Variants in ACBD7 observed in about 807,000 individuals in gnomAD.
The protein encoded by ACBD7 is acyl-CoA binding domain containing 7.
In ACBD7, 11 loss-of-function variants were observed where a neutral mutation model predicts 13.7. That is an observed-to-expected ratio of 0.80 (90% CI 0.50 to 1.33). The LOEUF (loss-of-function observed/expected upper bound fraction) is 1.33. Among genes scored for constraint, ACBD7 ranks in the 40% most tolerant of loss-of-function variants. The pLI, the probability that ACBD7 is intolerant of heterozygous loss-of-function variation, is 0.00. For synonymous variants in ACBD7, 43 were observed against 37.7 expected, an observed-to-expected ratio of 1.14 and a Z score of -0.51; for missense variants, 111 against 103.0, an observed-to-expected ratio of 1.08 and a Z score of -0.33.
At position 15,076,949 on chromosome 10, in the gene ACBD7, A is replaced by G; in HGVS notation, c.*1581T>C. The G allele has an allele frequency of 2.0e-6, 2 of 983,864 alleles. No homozygotes were observed. Among genetic ancestry groups the G allele is most frequent in the Non-Finnish European group, 2.4e-6 (2 of 828,500 alleles). The allele number at this position is 983,864 out of a possible 1,614,324, so 60.9% of individuals were successfully genotyped here. ...ACTTTCTAAAAAGTCAAAAAACAAC[A>G]GATGTGGAGAAAAGGGAATGCTTAT... On this transcript the variant is annotated 3_prime_UTR_variant, in exon 4 of 4. Transcript: ENST00000356189.
rs1589259173 is a variant in ACBD7 at position 15,078,297 on chromosome 10, C to T, written c.*233G>A. ...TCCCTTTTTATGGCTCCATAGTATT[C>T]CATGGTGTATATGTGCCACATTTTC... On this transcript the variant is annotated 3_prime_UTR_variant, in exon 4 of 4. Coordinates refer to ENST00000356189, the MANE Select transcript of ACBD7 (RefSeq NM_001039844.3). 3 of 1,318,386 alleles carry T rather than the reference C, an allele frequency of 2.3e-6. No homozygotes were observed. Among genetic ancestry groups the T allele is most frequent in the Non-Finnish European group, 2.9e-6 (3 of 1,021,324 alleles). 81.7% of individuals were successfully genotyped at this position (1,318,386 alleles called of 1,614,324 possible).
intron 1 of ACBD7, among the ~76,000 whole-genome samples, chr10:15,083,540 G>A (rs1047951978): frequency 3.3e-5 from 5 of 152,136 alleles, no homozygotes; most frequent in East Asian, 1.9e-4. Flanking sequence ...AGAGTACAGC[G>A]GCACAATCAC....
chr10:15,075,976 C>CAAAAAAAAAAAAAAAA lies in ACBD7; in HGVS notation c.*2538_*2553dup, dbSNP rs10541297. The CAAAAAAAAAAAAAAAA allele has an allele frequency of 3.3e-6, 1 of 301,462 alleles. No individual in the cohort carries two copies. The allele number at this position is 301,462 out of a possible 1,614,324, so 18.7% of individuals were successfully genotyped here. ...GTAACAGAGTGACAGCCTGTCTCAACAAAAAAAAAAAAAAAAAAAAAGAAA... is the reference window on the plus strand; with the variant it reads ...GTAACAGAGTGACAGCCTGTCTCAACAAAAAAAAAAAAAAAAAAAAAAAAAAAAAAAAAAAAAGAAA... On this transcript the variant is annotated 3_prime_UTR_variant, in exon 4 of 4. Transcript: ENST00000356189.
rs4565803 is a variant in ACBD7 at position 15,088,473 on chromosome 10, G to A, written c.12+244C>T. 0.014 allele frequency: 8,019 copies of A among 560,928 alleles called. 476 individuals carry two copies. Among genetic ancestry groups the A allele is most frequent in the African/African-American group, 0.14 (6,816 of 49,734 alleles). The allele number at this position is 560,928 out of a possible 1,614,324, so 34.7% of individuals were successfully genotyped here. A position where few individuals can be genotyped will look rare whatever the true frequency, so the allele number is the denominator to read the frequency against. On this transcript the variant is annotated intron_variant, in intron 1 of 3. Transcript: ENST00000356189. ...CCGCTCCGTGCTCCCCGGCGCTCCT[G>A]CCTTGCCTGCTTTTCCGCTCACCCG... is the stretch of plus-strand genomic sequence containing the variant.
Position 15,078,120 on chromosome 10 carries a change from G to C in ACBD7, c.*410C>G, listed in dbSNP as rs1485253502. ...ACCCCCTAGTCCCCGACAGGCCCCAGTGTGTGATGTTCCCTTCCCTGTGTC... is the reference window on the plus strand; with the variant it reads ...ACCCCCTAGTCCCCGACAGGCCCCACTGTGTGATGTTCCCTTCCCTGTGTC... On this transcript the variant is annotated 3_prime_UTR_variant, in exon 4 of 4. Coordinates refer to ENST00000356189, the MANE Select transcript of ACBD7 (RefSeq NM_001039844.3). 2 of 187,656 alleles carry C rather than the reference G, an allele frequency of 1.1e-5. No individual in the cohort carries two copies. Among genetic ancestry groups the C allele is most frequent in the Non-Finnish European group, 2.2e-5 (2 of 90,038 alleles). 11.6% of individuals were successfully genotyped at this position (187,656 alleles called of 1,614,324 possible).
intron 1 of ACBD7, among the ~76,000 whole-genome samples, chr10:15,082,094 C>A (rs1440224968): frequency 6.6e-6 from 1 of 152,030 alleles, no homozygotes; most frequent in Non-Finnish European, 1.5e-5. Context: ...TTGAGACCAG[C>A]CTGACCAACA....
chr10:15,088,037 T>C (rs569302447), intron 1 of ACBD7, among the ~76,000 whole-genome samples: 1 of 152,238 alleles, frequency 6.6e-6, no homozygotes, highest in South Asian at 2.1e-4. Flanking sequence ...TTTTAGAATA[T>C]TTAATAATGA....
Position 15,077,153 on chromosome 10 carries a change from C to T in ACBD7, c.*1377G>A, listed in dbSNP as rs1032504577. Among the ~76,000 whole-genome samples the T allele has an allele frequency of 3.9e-5, 6 of 152,034 alleles. No homozygotes were observed. The highest frequency in any genetic ancestry group is 6.6e-5 in the Admixed American group (1 of 15,254). ...CTGCACTTGTATATCTATTGCAGCA[C>T]AATTCACAAGAGCAAAGATATGGAA... is the stretch of plus-strand genomic sequence containing the variant. On this transcript the variant is annotated 3_prime_UTR_variant, in exon 4 of 4. Coordinates refer to ENST00000356189, the MANE Select transcript of ACBD7 (RefSeq NM_001039844.3).
chr10:15,088,687 T>C, intron 1 of ACBD7, 30 bp downstream of exon 1: 1 of 1,594,398 alleles, frequency 6.3e-7, no homozygotes, highest in African/African-American at 1.4e-5. Context: ...GGAGCGCCCC[T>C]CCCGCGTGGC....
intron 1 of ACBD7, 58 bp from the exon 2 acceptor site, chr10:15,079,098 C>G: frequency 8.5e-7 from 1 of 1,181,310 alleles, no homozygotes; most frequent in South Asian, 1.4e-5. Flanking sequence ...GGAATAGGAA[C>G]TCAAAGAGCA....
intron 1 of ACBD7, 83 bp downstream of exon 1, chr10:15,088,634 G>T: frequency 1.3e-6 from 2 of 1,539,852 alleles, no homozygotes; most frequent in East Asian, 5.0e-5. Context: ...CGCTCCCAGG[G>T]GCGCCAAGCC....
chr10:15,084,831 G>A lies in ACBD7; in HGVS notation c.12+3886C>T, dbSNP rs138508574. The stretch of plus-strand genomic sequence containing the variant: ...TCTGATTGGTTGCAGAAAGCAACCA[G>A]TCAGAGATACTTTCAATTTTCCATC... On this transcript the variant is annotated intron_variant, in intron 1 of 3. Transcript: ENST00000356189. 9.8e-5 allele frequency among the ~76,000 whole-genome samples: 15 copies of A among 152,364 alleles called. No homozygotes were observed. The East Asian group carries it at 2.1e-3, about 22-fold the overall frequency.
intron 2 of ACBD7, 56 bp downstream of exon 2, chr10:15,078,867 C>T (rs993496123): frequency 5.1e-5 from 62 of 1,208,548 alleles, no homozygotes; most frequent in Non-Finnish European, 2.8e-5. Context: ...ATTATAATCG[C>T]AATTAATATA....
In ACBD7 at chr10:15,078,676, G is replaced by C. The variant is rs761130116; in HGVS notation, c.193+15C>G. 4 of 1,614,006 alleles carry C rather than the reference G, an allele frequency of 2.5e-6. No homozygotes were observed. The highest frequency in any genetic ancestry group is 3.4e-6 in the Non-Finnish European group (4 of 1,179,976). On this transcript the variant is annotated intron_variant, in intron 3 of 3. Coordinates refer to ENST00000356189, the MANE Select transcript of ACBD7 (RefSeq NM_001039844.3). ...TTAAGAAAGTTTGCTTTAAACTTGT[G>C]AAAGACTAAAAAACCTTTTTTGAGG...
At chr10:15,086,867 A>C (rs1006877721) in intron 1 of ACBD7, among the ~76,000 whole-genome samples, 4 of 151,870 alleles carry the variant, frequency 2.6e-5, no homozygotes, top group African/African-American at 9.7e-5. Context: ...TACAAAATTA[A>C]TTGGGTGTGG....
At chr10:15,084,249 G>A (rs7910189) in intron 1 of ACBD7, among the ~76,000 whole-genome samples, 20,529 of 152,130 alleles carry the variant, frequency 0.13, 2,177 homozygotes, top group African/African-American at 0.29. Context: ...CAGCACCCAC[G>A]GGGCCTCACG....
chr10:15,088,501 C>T, intron 1 of ACBD7: 1 of 628,612 alleles, frequency 1.6e-6, no homozygotes, highest in South Asian at 2.3e-5. Flanking sequence ...CTCACCCGGC[C>T]CCTGGGGTCC....
chr10:15,079,584 CT>C (rs1294823457), intron 1 of ACBD7, among the ~76,000 whole-genome samples: 91 of 134,508 alleles, frequency 6.8e-4, no homozygotes, highest in Non-Finnish European at 6.8e-4. Context: ...GGTGAGTTTG[CT>C]TTTTTTTTTT....
rs1330022974 is a variant in ACBD7, at chr10:15,078,985, T to C, written c.68A>G (p.Asp23Gly). The C allele has an allele frequency of 1.2e-6, 2 of 1,609,478 alleles. No individual in the cohort carries two copies. Among genetic ancestry groups the C allele is most frequent in the South Asian group, 1.1e-5 (1 of 90,426 alleles). Residue 23 changes from aspartate (D) to glycine (G), a missense_variant, in exon 2 of 4, where the codon GAT becomes GGT. Coordinates refer to ENST00000356189, the MANE Select transcript of ACBD7 (RefSeq NM_001039844.3). The part of the protein sequence containing the change: ...DVRKLKARPD[D>G]GELKELYGLY... The stretch of plus-strand genomic sequence containing the variant: ...CCCATAGAGTTCTTTCAGTTCTCCA[T>C]CATCTGGTCTTGCTTTCAGCTTCCT...
Sources: allele counts gnomAD v4.1 joint callset (sites outside exome capture counted in the v4.1 genomes callset), GRCh38; gene constraint gnomAD v4.1.1; transcripts MANE v1.5; gene names NCBI Gene and HGNC (gene_info 2026-07-23, HGNC 2026-07-21).